Variants in STS observed in about 807,000 individuals in gnomAD.
STS encodes the protein steryl-sulfatase.
In STS, 7 loss-of-function variants were observed where a neutral mutation model predicts 26.8. That is an observed-to-expected ratio of 0.26 (90% confidence interval 0.15 to 0.49). STS has a LOEUF of 0.49. Among genes scored for constraint, STS ranks in the 20% least tolerant of loss-of-function variants. The pLI is 0.98. For synonymous variants in STS, 199 were observed against 189.4 expected (o/e 1.05, Z -0.42); for missense variants, 434 against 465.6 (o/e 0.93, Z 0.63).
In STS at chrX:7,325,322, C is replaced by G; in HGVS notation, c.1082-17C>G. 8.3e-7 allele frequency: 1 copy of G among 1,210,234 alleles called. No individual in the cohort carries two copies. Among genetic ancestry groups the G allele is most frequent in the Non-Finnish European group, 1.1e-6 (1 of 894,664 alleles). On this transcript the variant is annotated splice_polypyrimidine_tract_variant and intron_variant, in intron 8 of 10. Coordinates refer to ENST00000674429, the MANE Select transcript of STS (RefSeq NM_001320752.2). Reference sequence around the variant, plus strand: ...GAAATCTCCCTGTTGCCTCTTACCTCTTTTTTGATCTTTTAGGAGGAAAAG... The same window carrying G: ...GAAATCTCCCTGTTGCCTCTTACCTGTTTTTTGATCTTTTAGGAGGAAAAG...
At chrX:7,315,667 A>G (rs959237706) in intron 8 of STS, among the ~76,000 whole-genome samples, 3 of 111,549 alleles carry the variant, frequency 2.7e-5, no homozygotes, top group Non-Finnish European at 3.8e-5. Flanking sequence ...CACTGGTGTA[A>G]GCCCAGGAAT....
intron 2 of STS, among the ~76,000 whole-genome samples, chrX:7,204,231 C>G (rs1934138191): frequency 9.0e-6 from 1 of 111,635 alleles, no homozygotes; most frequent in Non-Finnish European, 1.9e-5. Context: ...TTTATTTTTT[C>G]TTCAAGTCTC....
intron 2 of STS, among the ~76,000 whole-genome samples, chrX:7,227,441 A>C (rs1011644180): frequency 1.0e-5 from 1 of 100,406 alleles, no homozygotes; most frequent in African/African-American, 3.4e-5. Flanking sequence ...GCCTTGTTCA[A>C]ATCGTTGTTT....
chrX:7,157,795 T>C (rs1416185238), intron 1 of STS, among the ~76,000 whole-genome samples: 1 of 111,546 alleles, frequency 9.0e-6, no homozygotes, highest in Non-Finnish European at 1.9e-5. Flanking sequence ...TAGTGGGTGC[T>C]GGAATCAGAA....
At chrX:7,176,195 G>A (rs771627455) in intron 1 of STS, among the ~76,000 whole-genome samples, 22 of 111,561 alleles carry the variant, frequency 2.0e-4, no homozygotes, top group South Asian at 3.8e-4. Flanking sequence ...GTCACTCTTC[G>A]GTAATTTGGC....
At chrX:7,249,721 A>C (rs1288629123) in intron 2 of STS, among the ~76,000 whole-genome samples, 1 of 111,730 alleles carries the variant, frequency 9.0e-6, no homozygotes, top group Admixed American at 9.5e-5. Context: ...ACAGCTTGCT[A>C]TGAGTATGAC....
chrX:7,255,471 G>A (rs1223554302), intron 3 of STS, among the ~76,000 whole-genome samples: 1 of 111,371 alleles, frequency 9.0e-6, no homozygotes, highest in African/African-American at 3.3e-5. Flanking sequence ...TTCCTACCAA[G>A]ATGTCTTAAT....
intron 7 of STS, among the ~76,000 whole-genome samples, chrX:7,277,382 C>CTGTT (rs756961761): frequency 2.7e-5 from 3 of 111,702 alleles, no homozygotes; most frequent in Middle Eastern, 4.7e-3. Flanking sequence ...CTTCCTAGTT[C>CTGTT]TGTTTGTTTG....
At position 7,259,540 on chromosome X, in the gene STS, C is replaced by T. The variant is rs1923620211; in HGVS notation, c.574C>T (p.Leu192Phe). Reference protein sequence around the residue: ...FLPLQIVGVTLLTLAALNCLG... With the variant: ...FLPLQIVGVTFLTLAALNCLG... ...CCCCCTGCAGATCGTCGGGGTCACC[C>T]TCCTTACCCTTGCTGCACTCAATTG... Residue 192 changes from leucine to phenylalanine, a missense_variant, in exon 6 of 11, where the codon CTC (leucine) becomes TTC (phenylalanine). Physicochemically the swap from Leu to Phe is conservative, Grantham distance 22. This residue lies in a region of STS where 229 missense variants were observed against 288.3 expected (regional missense o/e 0.79). Transcript: ENST00000674429. 2.5e-6 allele frequency: 3 copies of T among 1,211,831 alleles called. No individual in the cohort carries two copies. The highest frequency in any genetic ancestry group is 3.4e-6 in the Non-Finnish European group (3 of 895,416).
chrX:7,351,469 G>A lies in STS; in HGVS notation c.*1208G>A, dbSNP rs185046005. 3 of 111,790 alleles carry A rather than the reference G, an allele frequency of 2.7e-5. No individual in the cohort carries two copies. Among genetic ancestry groups the A allele is most frequent in the African/African-American group, 6.5e-5 (2 of 30,767 alleles). The allele number at this position is 111,790 out of a possible 1,213,427, so 9.2% of individuals were successfully genotyped here. Reference sequence around the variant, plus strand: ...AACTGATCGCCTAGGAGAGGGCCTCGTAGTGGCACAGCTGGAGATAGTTTC... The same window carrying A: ...AACTGATCGCCTAGGAGAGGGCCTCATAGTGGCACAGCTGGAGATAGTTTC... On this transcript the variant is annotated 3_prime_UTR_variant, in exon 11 of 11. Coordinates refer to ENST00000674429, the MANE Select transcript of STS (RefSeq NM_001320752.2).
intron 8 of STS, among the ~76,000 whole-genome samples, chrX:7,318,280 G>C (rs1214314272): frequency 9.0e-6 from 1 of 111,165 alleles, no homozygotes; most frequent in South Asian, 3.9e-4. Flanking sequence ...GTGGTGCCCG[G>C]GAGAGCAGAT....
intron 8 of STS, among the ~76,000 whole-genome samples, chrX:7,322,360 T>C (rs1408457506): frequency 9.0e-6 from 1 of 111,705 alleles, no homozygotes; most frequent in Non-Finnish European, 1.9e-5. Flanking sequence ...ACGGAGGCCT[T>C]CAGAGAAAGC....
At chrX:7,279,377 G>GTA (rs1166536226) in intron 7 of STS, among the ~76,000 whole-genome samples, 1 of 72,014 alleles carries the variant, frequency 1.4e-5, no homozygotes, top group East Asian at 4.0e-4. Context: ...GTGTGTGTGT[G>GTA]TATATATATG....
chrX:7,154,435 GT>G (rs1157997062), intron 1 of STS, among the ~76,000 whole-genome samples: 1 of 112,523 alleles, frequency 8.9e-6, no homozygotes, highest in Admixed American at 9.4e-5. Flanking sequence ...CATAGCAACT[GT>G]TGTAATAGCC....
chrX:7,308,515 A>G (rs1465102937), intron 8 of STS, among the ~76,000 whole-genome samples: 1 of 111,679 alleles, frequency 9.0e-6, no homozygotes, highest in South Asian at 3.8e-4. Context: ...AGAGGTATAG[A>G]TCAGAAAGGG....
chrX:7,304,255 C>T (rs1431692889), intron 7 of STS, among the ~76,000 whole-genome samples: 1 of 112,095 alleles, frequency 8.9e-6, no homozygotes, highest in African/African-American at 3.2e-5. Context: ...GTGCCATTTA[C>T]TCATAGGGTT....
chrX:7,252,320 A>G (rs777550841), intron 2 of STS: 1 of 746,379 alleles, frequency 1.3e-6, no homozygotes, highest in African/African-American at 2.3e-5. Flanking sequence ...TGGTGGGAAG[A>G]CTAGAAGGAC....
At chrX:7,258,267 GGATAGATAGATA>G (rs55667371) in intron 5 of STS, among the ~76,000 whole-genome samples, 2 of 102,178 alleles carry the variant, frequency 2.0e-5, no homozygotes, top group Admixed American at 1.0e-4. Flanking sequence ...ATAGATGGTT[GGATAGATAGATA>G]GATAGATAGA....
chrX:7,257,935 A>G (rs749090882), intron 5 of STS, among the ~76,000 whole-genome samples: 2 of 110,725 alleles, frequency 1.8e-5, no homozygotes, highest in East Asian at 5.7e-4. Flanking sequence ...ATGGATGGAT[A>G]GATAGATAAT....
Sources: gnomAD v4.1 joint callset for allele counts (sites outside exome capture counted in the v4.1 genomes callset) on GRCh38, gnomAD v4.1.1 for gene constraint, gnomAD v4.1.1 regional missense constraint, MANE v1.5 for transcripts, NCBI Gene and HGNC (gene_info 2026-07-23, HGNC 2026-07-21) for gene names.